The following NFIB variants were observed in gnomAD, a reference collection of about 807,000 sequenced individuals.
The protein encoded by NFIB is nuclear factor I B, also known as nuclear factor 1 B-type.
In NFIB, 11 loss-of-function variants were observed where a neutral mutation model predicts 61.5. That is an observed-to-expected ratio of 0.18 (90% CI 0.11 to 0.30). The LOEUF is 0.30. NFIB is among the 10% of genes least tolerant of loss of function. NFIB has a pLI of 1.00. For synonymous variants in NFIB, 260 were observed against 216.5 expected (o/e 1.20, Z -1.76); for missense variants, 471 against 608.9 (o/e 0.77, Z 2.38).
chr9:14,420,212 C>T, the NFIB span, among the ~76,000 whole-genome samples: 1 of 151,752 alleles, frequency 6.6e-6, no homozygotes, highest in African/African-American at 2.4e-5. Context: ...TTTGGGAGGC[C>T]GAGAAGGGCA....
intron 2 of NFIB, among the ~76,000 whole-genome samples, chr9:14,235,156 C>T (rs1009814035): frequency 2.6e-5 from 4 of 152,074 alleles, no homozygotes; most frequent in Admixed American, 1.3e-4. Context: ...AAAGAATAAA[C>T]ACCAAGCTCA....
rs200054648 is a variant in NFIB, at chr9:14,237,842, AGTGTGT to A, written c.563-58068_563-58063del. ...AGCTCCTCACCCTGCTAGGTATAAC[AGTGTGT>A]GTGTGTGTGTGTGTGTGTGTGTGTG... is the stretch of plus-strand genomic sequence containing the variant. On this transcript the variant is annotated intron_variant, in intron 2 of 10. Transcript: ENST00000380953. Among the ~76,000 whole-genome samples the A allele has an allele frequency of 6.9e-3, 365 of 52,542 alleles. 8 individuals are homozygous for A. Among genetic ancestry groups the A allele is most frequent in the East Asian group, 0.016 (18 of 1,158 alleles). 34.5% of individuals were successfully genotyped at this position (52,542 alleles called of 152,430 possible).
chr9:14,266,594 C>CAA (rs150756221), intron 2 of NFIB, among the ~76,000 whole-genome samples: 9,557 of 146,346 alleles, frequency 0.065, 579 homozygotes, highest in East Asian at 0.27. Context: ...GACCTTGTCT[C>CAA]AAAAAAAAAA....
chr9:14,170,931 T>TA (rs1171826516), intron 3 of NFIB, among the ~76,000 whole-genome samples: 1 of 152,176 alleles, frequency 6.6e-6, no homozygotes. Context: ...ATCAATATAT[T>TA]AAAATTTTAC....
intron 2 of NFIB, among the ~76,000 whole-genome samples, chr9:14,201,718 C>T (rs2049053816): frequency 6.6e-6 from 1 of 151,814 alleles, no homozygotes; most frequent in Non-Finnish European, 1.5e-5. Context: ...ATTTAAATGG[C>T]ATACAAATTT....
chr9:14,448,100 G>C, the NFIB span, among the ~76,000 whole-genome samples: 6 of 152,148 alleles, frequency 3.9e-5, no homozygotes, highest in Non-Finnish European at 5.9e-5. Context: ...ATGGGATTGA[G>C]AAAAAGTCTC....
intron 2 of NFIB, among the ~76,000 whole-genome samples, chr9:14,284,699 T>A (rs73645042): frequency 4.1e-4 from 63 of 152,356 alleles, no homozygotes; most frequent in African/African-American, 1.4e-3. Flanking sequence ...GATATTTTAT[T>A]TGAAAAATAT....
At chr9:14,440,258 C>A in the NFIB span, among the ~76,000 whole-genome samples, 1 of 152,240 alleles carries the variant, frequency 6.6e-6, no homozygotes, top group African/African-American at 2.4e-5. Context: ...CACCTTAGCA[C>A]CTAGGACAGA....
In NFIB at chr9:14,307,654, T is replaced by G; in HGVS notation, c.31-134A>C. On this transcript the variant is annotated intron_variant, in intron 1 of 10. Transcript: ENST00000380953. This position sits in a 1 kb window ranked among gnomAD's most constrained non-coding sequence, Gnocchi z 5.3. ...GTTATACATGAAAATAACATTCCTT[T>G]CTTATTTAAAATTATCAAAATAACA... The G allele has an allele frequency of 1.1e-6, 1 of 873,570 alleles. No homozygotes were observed. The highest frequency in any genetic ancestry group is 1.6e-6 in the Non-Finnish European group (1 of 607,352). The allele number at this position is 873,570 out of a possible 1,614,324, so 54.1% of individuals were successfully genotyped here.
At chr9:14,189,730 G>A (rs948695065) in intron 2 of NFIB, among the ~76,000 whole-genome samples, 1 of 150,150 alleles carries the variant, frequency 6.7e-6, no homozygotes, top group Non-Finnish European at 1.5e-5. Context: ...CAAGAAACAT[G>A]TTAGTCTTAT....
At chr9:14,378,776 C>T (rs1273228745) in intron 1 of NFIB, among the ~76,000 whole-genome samples, 1 of 152,174 alleles carries the variant, frequency 6.6e-6, no homozygotes, top group Non-Finnish European at 1.5e-5. Context: ...ATGAGGTAAG[C>T]ATAGGACCGT....
intron 2 of NFIB, among the ~76,000 whole-genome samples, chr9:14,223,707 C>A (rs893850933): frequency 6.6e-6 from 1 of 152,142 alleles, no homozygotes; most frequent in African/African-American, 2.4e-5. Flanking sequence ...AGAGGCCAAT[C>A]TAATTTCAAG....
chr9:14,353,700 C>G (rs1280023009), intron 1 of NFIB, among the ~76,000 whole-genome samples: 2 of 152,116 alleles, frequency 1.3e-5, no homozygotes, highest in Admixed American at 6.5e-5. Context: ...CGTGGAGACC[C>G]GCAGGCGGTG....
chr9:14,346,290 A>AACCCCCC (rs2061019183), intron 1 of NFIB, among the ~76,000 whole-genome samples: 6 of 88,386 alleles, frequency 6.8e-5, no homozygotes, highest in Admixed American at 1.2e-4. Flanking sequence ...GGTAACCGAC[A>AACCCCCC]CCCCCCCCCC....
chr9:14,406,003 T>A, the NFIB span, among the ~76,000 whole-genome samples: 1 of 152,364 alleles, frequency 6.6e-6, no homozygotes, highest in East Asian at 1.9e-4. Context: ...AAAGTTAGAC[T>A]AAAGCATACC....
the NFIB span, among the ~76,000 whole-genome samples, chr9:14,498,531 A>T: frequency 2.0e-5 from 3 of 152,214 alleles, no homozygotes; most frequent in African/African-American, 7.2e-5. Context: ...ACCTTGAGAT[A>T]CACTCGAGAA....
intron 3 of NFIB, among the ~76,000 whole-genome samples, chr9:14,165,900 T>G (rs1375370741): frequency 6.6e-6 from 1 of 152,166 alleles, no homozygotes; most frequent in Non-Finnish European, 1.5e-5. Flanking sequence ...GTTTCAGTTT[T>G]GCAAGATGAA....
rs769007871 is a variant in NFIB at position 14,116,224 on chromosome 9, G to A, written c.1368C>T (p.Ile456=). The change falls in exon 9 of 11, where the codon ATC becomes ATT. Residue 456 remains isoleucine (I), a synonymous_variant. Transcript: ENST00000380953. ...CTGCCTCACCTTCAGTGGATGTAGT[G>A]ATGGGTTTAGTATCTGTCATGCTCA... ...VTLSMTDTKP[I]TTSTEAYTAS... 2.0e-6 allele frequency: 3 copies of A among 1,519,512 alleles called. No homozygotes were observed. Among genetic ancestry groups the A allele is most frequent in the South Asian group, 2.5e-5 (2 of 79,396 alleles). 94.1% of individuals were successfully genotyped at this position (1,519,512 alleles called of 1,614,324 possible).
chr9:14,241,920 C>G (rs1270378388), intron 2 of NFIB, among the ~76,000 whole-genome samples: 1 of 152,116 alleles, frequency 6.6e-6, no homozygotes, highest in Non-Finnish European at 1.5e-5. Flanking sequence ...TCTTTATATA[C>G]ATAAGATCAC....
Sources: allele counts gnomAD v4.1 joint callset (sites outside exome capture counted in the v4.1 genomes callset), GRCh38; gene constraint gnomAD v4.1.1; non-coding constraint Gnocchi (gnomAD v3.1); transcripts MANE v1.5; gene names NCBI Gene and HGNC (gene_info 2026-07-23, HGNC 2026-07-21).